The following SPOCK1 variants were observed in gnomAD, a reference collection of about 807,000 sequenced individuals.
SPOCK1 encodes the protein testican-1.
In SPOCK1, 23 loss-of-function variants were observed where a neutral mutation model predicts 55.3. The observed-to-expected ratio is 0.42, with a 90% CI of 0.30 to 0.59. The LOEUF (loss-of-function observed/expected upper bound fraction) is 0.59, where lower values mean the gene tolerates loss of function less well. Among genes scored for constraint, SPOCK1 ranks in the 20% least tolerant of loss-of-function variants. The pLI, the probability that SPOCK1 is intolerant of heterozygous loss-of-function variation, is 0.22. For missense variants in SPOCK1, 499 were observed against 552.5 expected (o/e 0.90, Z 0.97); for synonymous variants, 226 against 221.0 (o/e 1.02, Z -0.20).
chr5:137,354,734 C>A (rs1400440074), intron 2 of SPOCK1, among the ~76,000 whole-genome samples: 1 of 152,140 alleles, frequency 6.6e-6, no homozygotes, highest in African/African-American at 2.4e-5. Context: ...CAAAATGTAA[C>A]CTTCCTGAGG....
intron 2 of SPOCK1, among the ~76,000 whole-genome samples, chr5:137,322,150 G>C (rs1054922013): frequency 3.3e-5 from 5 of 151,952 alleles, no homozygotes; most frequent in African/African-American, 1.2e-4. Flanking sequence ...GGGCAACATA[G>C]CAAAACCCCA....
chr5:137,135,352 C>T (rs1313388070), intron 4 of SPOCK1, among the ~76,000 whole-genome samples: 1 of 152,208 alleles, frequency 6.6e-6, no homozygotes, highest in Non-Finnish European at 1.5e-5. Context: ...AAATCAGAAC[C>T]AGCCATGCAG....
At chr5:137,423,604 G>A (rs767746509) in intron 2 of SPOCK1, among the ~76,000 whole-genome samples, 12 of 152,192 alleles carry the variant, frequency 7.9e-5, no homozygotes, top group African/African-American at 2.7e-4. Context: ...ATAATCTCCT[G>A]GGGTGCCGTT....
At chr5:137,108,058 G>T (rs1265931688) in intron 5 of SPOCK1, among the ~76,000 whole-genome samples, 1 of 152,156 alleles carries the variant, frequency 6.6e-6, no homozygotes, top group Admixed American at 6.5e-5. Flanking sequence ...TCCAAAAAAG[G>T]TTCTAACTCC....
intron 3 of SPOCK1, among the ~76,000 whole-genome samples, chr5:137,182,456 C>T (rs375012138): frequency 6.6e-6 from 1 of 152,210 alleles, no homozygotes; most frequent in African/African-American, 2.4e-5. Context: ...GCCAGTGTTT[C>T]CTATTGGTAT....
At chr5:137,440,537 G>T (rs1354887861) in intron 2 of SPOCK1, among the ~76,000 whole-genome samples, 3 of 152,152 alleles carry the variant, frequency 2.0e-5, no homozygotes. Flanking sequence ...TGCTGTTCAC[G>T]ATCTTTTTAA....
intron 3 of SPOCK1, among the ~76,000 whole-genome samples, chr5:137,156,242 A>G (rs867767704): frequency 2.0e-5 from 3 of 152,126 alleles, no homozygotes; most frequent in African/African-American, 7.2e-5. Context: ...ATGAGGTGAC[A>G]TGTGAACGTG....
At chr5:137,250,478 A>G (rs1756487741) in intron 3 of SPOCK1, among the ~76,000 whole-genome samples, 1 of 152,182 alleles carries the variant, frequency 6.6e-6, no homozygotes, top group South Asian at 2.1e-4. Context: ...TTTAACATTG[A>G]AATCAGGATT....
intron 3 of SPOCK1, among the ~76,000 whole-genome samples, chr5:137,143,853 G>A (rs1348750934): frequency 6.6e-6 from 1 of 152,154 alleles, no homozygotes; most frequent in Admixed American, 6.5e-5. Context: ...AATTGCTAAT[G>A]AGAGATGCAG....
chr5:137,421,078 T>C (rs1190287379), intron 2 of SPOCK1, among the ~76,000 whole-genome samples: 1 of 152,246 alleles, frequency 6.6e-6, no homozygotes, highest in East Asian at 1.9e-4. Flanking sequence ...CAGGAGCAGG[T>C]TGTTCAGTTT....
chr5:137,119,233 T>A (rs539132477), intron 4 of SPOCK1, among the ~76,000 whole-genome samples: 1 of 152,364 alleles, frequency 6.6e-6, no homozygotes, highest in African/African-American at 2.4e-5. Flanking sequence ...CATGTTACTA[T>A]CAAATCGCCT....
intron 2 of SPOCK1, chr5:137,313,605 C>A: frequency 2.6e-6 from 1 of 390,946 alleles, no homozygotes; most frequent in Non-Finnish European, 3.5e-6. Flanking sequence ...GCTCCCAGAA[C>A]ATATTGCTAC....
intron 3 of SPOCK1, among the ~76,000 whole-genome samples, chr5:137,245,151 C>G (rs1434049560): frequency 6.6e-6 from 1 of 152,128 alleles, no homozygotes; most frequent in Non-Finnish European, 1.5e-5. Flanking sequence ...ACGTGTCCCA[C>G]TAAAAGGAGA....
chr5:137,413,697 C>T (rs1752263573), intron 2 of SPOCK1, among the ~76,000 whole-genome samples: 1 of 152,186 alleles, frequency 6.6e-6, no homozygotes. Flanking sequence ...TATGTCACAT[C>T]AGGGTATAAT....
intron 3 of SPOCK1, among the ~76,000 whole-genome samples, chr5:137,199,336 A>G (rs909420403): frequency 2.6e-5 from 4 of 152,016 alleles, no homozygotes; most frequent in African/African-American, 9.7e-5. Context: ...ACCCTCCTTC[A>G]CCTCATGGAT....
intron 3 of SPOCK1, among the ~76,000 whole-genome samples, chr5:137,158,685 C>A (rs773848449): frequency 1.3e-5 from 2 of 151,792 alleles, no homozygotes; most frequent in Admixed American, 1.3e-4. Flanking sequence ...GAACACTCCA[C>A]AAAGTGCAGC....
At chr5:137,490,034 A>C (rs532634393) in intron 2 of SPOCK1, among the ~76,000 whole-genome samples, 30 of 152,384 alleles carry the variant, frequency 2.0e-4, no homozygotes, top group African/African-American at 7.0e-4. Context: ...CTACCATACT[A>C]GACCATAAAT....
At chr5:137,000,251 T>C (rs549588303) in intron 6 of SPOCK1, among the ~76,000 whole-genome samples, 3 of 152,324 alleles carry the variant, frequency 2.0e-5, no homozygotes, top group Admixed American at 6.5e-5. Context: ...AGAGCAGCCC[T>C]GGATCAACGT....
chr5:137,294,096 A>C (rs1233269476), intron 2 of SPOCK1, among the ~76,000 whole-genome samples: 1 of 152,240 alleles, frequency 6.6e-6, no homozygotes, highest in Admixed American at 6.5e-5. Context: ...AAATATCACT[A>C]GTATGACTGA....
Sources: gnomAD v4.1 joint callset for allele counts (sites outside exome capture counted in the v4.1 genomes callset) on GRCh38, gnomAD v4.1.1 for gene constraint, MANE v1.5 for transcripts, NCBI Gene and HGNC (gene_info 2026-07-23, HGNC 2026-07-21) for gene names.